TMEM108: variants seen among roughly 807,000 people sequenced by gnomAD.
TMEM108 encodes transmembrane protein 108.
A neutral mutation model predicts 35.1 loss-of-function variants in TMEM108; 12 were observed. The ratio of observed to expected loss-of-function variants is 0.34; its 90% CI spans 0.22 to 0.55. TMEM108 has a LOEUF of 0.55. Ranked by LOEUF, TMEM108 falls within the 20% of genes least tolerant of loss-of-function variation. The pLI is 0.89. For synonymous variants in TMEM108, 287 were observed against 308.6 expected, an observed-to-expected ratio of 0.93 and a Z score of 0.73; for missense variants, 680 against 753.3, an observed-to-expected ratio of 0.90 and a Z score of 1.14.
chr3:133,169,715 G>C (rs925114682), intron 2 of TMEM108, among the ~76,000 whole-genome samples: 1 of 152,128 alleles, frequency 6.6e-6, no homozygotes, highest in African/African-American at 2.4e-5. Flanking sequence ...CCTCCATCTT[G>C]GCTCTAGTTG....
At chr3:133,273,028 G>A (rs964739398) in intron 3 of TMEM108, among the ~76,000 whole-genome samples, 2 of 152,174 alleles carry the variant, frequency 1.3e-5, no homozygotes, top group African/African-American at 4.8e-5. Flanking sequence ...GCTCTGAGGT[G>A]GTTTGCCCAG....
intron 2 of TMEM108, among the ~76,000 whole-genome samples, chr3:133,063,218 A>C (rs192689698): frequency 3.9e-5 from 6 of 152,216 alleles, no homozygotes; most frequent in Admixed American, 3.3e-4. Context: ...TATTGGAATG[A>C]TCATCTCTGT....
chr3:133,320,550 G>A (rs1307748649), intron 3 of TMEM108, among the ~76,000 whole-genome samples: 2 of 152,196 alleles, frequency 1.3e-5, no homozygotes, highest in South Asian at 2.1e-4. Context: ...AGAATAATTG[G>A]TGTTCCTGAG....
At chr3:133,143,061 CATAG>C (rs1232519971) in intron 2 of TMEM108, among the ~76,000 whole-genome samples, 4 of 152,118 alleles carry the variant, frequency 2.6e-5, no homozygotes, top group Non-Finnish European at 4.4e-5. Flanking sequence ...GTGTATGTGA[CATAG>C]ATAGCAAAAA....
At position 133,077,432 on chromosome 3, in the gene TMEM108, G is replaced by C. The variant is rs189000705; in HGVS notation, c.-47+31412G>C. Among the ~76,000 whole-genome samples, 258 of 152,244 alleles carry C rather than the reference G, an allele frequency of 1.7e-3. 2 individuals carry two copies. Among genetic ancestry groups the C allele is most frequent in the African/African-American group, 6.1e-3 (253 of 41,556 alleles). On this transcript the variant is annotated intron_variant, in intron 2 of 5. Coordinates refer to ENST00000321871, the MANE Select transcript of TMEM108 (RefSeq NM_023943.4). ...GCAGGCGGTGAGATAGGGCGTCCAG[G>C]CTACCTGGGTGTCTGCAGAGCACCC...
In TMEM108 at chr3:133,073,359, T is replaced by G. The variant is rs141407486; in HGVS notation, c.-47+27339T>G. ...CCTCTTTTATTATAGATTCCACAGG[T>G]AAGTGCGATTATGTGGTATTTGTCT... On this transcript the variant is annotated intron_variant, in intron 2 of 5. Transcript: ENST00000321871. 2.0e-5 allele frequency among the ~76,000 whole-genome samples: 3 copies of G among 151,728 alleles called. No individual in the cohort carries two copies. The East Asian group carries it at 5.8e-4, about 29-fold the overall frequency.
chr3:133,389,125 T>A (rs1462713219), intron 4 of TMEM108: 1 of 985,588 alleles, frequency 1.0e-6, no homozygotes, highest in South Asian at 4.7e-5. Context: ...TGTCCTTGTG[T>A]TACCCTTCTG....
intron 2 of TMEM108, among the ~76,000 whole-genome samples, chr3:133,155,433 C>A (rs757007462): frequency 6.6e-6 from 1 of 151,942 alleles, no homozygotes; most frequent in Non-Finnish European, 1.5e-5. Context: ...TGAGGAATTA[C>A]CACATCCACA....
At chr3:133,377,602 G>A (rs1426638082) in intron 3 of TMEM108, among the ~76,000 whole-genome samples, 3 of 152,226 alleles carry the variant, frequency 2.0e-5, no homozygotes, top group Non-Finnish European at 2.9e-5. Context: ...TGGTCATATG[G>A]ATTAAAGCAT....
At chr3:133,207,295 G>C (rs573261213) in intron 2 of TMEM108, among the ~76,000 whole-genome samples, 1 of 150,678 alleles carries the variant, frequency 6.6e-6, no homozygotes, top group African/African-American at 2.4e-5. Context: ...GCTTCTGCTT[G>C]CCTTCCATGG....
At chr3:133,299,832 C>A (rs1024183689) in intron 3 of TMEM108, among the ~76,000 whole-genome samples, 4 of 152,110 alleles carry the variant, frequency 2.6e-5, no homozygotes, top group Non-Finnish European at 4.4e-5. Context: ...TACATCTGTT[C>A]CCCATTCTTC....
intron 4 of TMEM108, chr3:133,388,775 A>C (rs1213138957): frequency 1.0e-6 from 1 of 985,330 alleles, no homozygotes; most frequent in East Asian, 1.1e-4. Flanking sequence ...GGCAGCCTAC[A>C]GGGCCCTGGG....
intron 3 of TMEM108, among the ~76,000 whole-genome samples, chr3:133,281,656 C>G (rs186985228): frequency 3.3e-5 from 5 of 152,174 alleles, no homozygotes; most frequent in Non-Finnish European, 7.3e-5. Flanking sequence ...CAGTGAGCAG[C>G]GGAGGGCTGG....
At chr3:133,189,936 G>A (rs1032518101) in intron 2 of TMEM108, among the ~76,000 whole-genome samples, 1 of 152,152 alleles carries the variant, frequency 6.6e-6, no homozygotes, top group Non-Finnish European at 1.5e-5. Context: ...TATTGGGTAT[G>A]CAAATTTCTA....
chr3:133,387,299 C>T (rs189428543), intron 4 of TMEM108: 3 of 985,410 alleles, frequency 3.0e-6, no homozygotes, highest in Admixed American at 6.1e-5. Context: ...AGGTGGAATA[C>T]ATGGCAGAGT....
intron 2 of TMEM108, among the ~76,000 whole-genome samples, chr3:133,099,575 G>A (rs1477584318): frequency 6.6e-6 from 1 of 152,138 alleles, no homozygotes; most frequent in African/African-American, 2.4e-5. Flanking sequence ...AAAACAGAAT[G>A]CTCTTAATAG....
At chr3:133,350,920 A>G (rs2071977242) in intron 3 of TMEM108, among the ~76,000 whole-genome samples, 1 of 152,116 alleles carries the variant, frequency 6.6e-6, no homozygotes, top group Non-Finnish European at 1.5e-5. Flanking sequence ...CAGGCAGGAG[A>G]CTGAAAGGAA....
chr3:133,381,375 C>T (rs753888749), intron 4 of TMEM108, among the ~76,000 whole-genome samples: 2 of 152,220 alleles, frequency 1.3e-5, no homozygotes, highest in African/African-American at 2.4e-5. Flanking sequence ...AAAGTCACAA[C>T]TCCCAGGAGC....
At chr3:133,253,136 C>T (rs1402937397) in intron 3 of TMEM108, among the ~76,000 whole-genome samples, 1 of 152,168 alleles carries the variant, frequency 6.6e-6, no homozygotes, top group Non-Finnish European at 1.5e-5. Context: ...GTCCTGGGAC[C>T]AGTCCCTCAA....
Sources: gnomAD v4.1 joint callset for allele counts (sites outside exome capture counted in the v4.1 genomes callset) on GRCh38, gnomAD v4.1.1 for gene constraint, MANE v1.5 for transcripts, NCBI Gene and HGNC (gene_info 2026-07-23, HGNC 2026-07-21) for gene names.